The following MIR2052HG variants were observed in gnomAD, a reference collection of about 807,000 sequenced individuals.
MIR2052HG encodes the protein MIR2052 host gene.
At chr8:74,697,318 G>A (rs543555457) in intron 2 of MIR2052HG, among the ~76,000 whole-genome samples, 1 of 152,074 alleles carries the variant, frequency 6.6e-6, no homozygotes, top group Non-Finnish European at 1.5e-5. Flanking sequence ...GGCCTAGAAG[G>A]GACATATCTT....
intron 2 of MIR2052HG, among the ~76,000 whole-genome samples, chr8:74,639,723 G>A (rs1419012513): frequency 6.6e-6 from 1 of 151,932 alleles, no homozygotes; most frequent in Non-Finnish European, 1.5e-5. Context: ...TTTCAATTAT[G>A]TTCCTATTGG....
At chr8:74,643,692 A>T (rs372024619) in intron 2 of MIR2052HG, among the ~76,000 whole-genome samples, 6 of 152,132 alleles carry the variant, frequency 3.9e-5, no homozygotes, top group Admixed American at 2.0e-4. Context: ...TATTAGAAGC[A>T]TTTTTTTTAA....
At chr8:74,700,795 T>A (rs915515485) in intron 2 of MIR2052HG, among the ~76,000 whole-genome samples, 2 of 152,126 alleles carry the variant, frequency 1.3e-5, no homozygotes, top group South Asian at 4.1e-4. Context: ...AACCCATGAC[T>A]GTATCCTCTC....
intron 2 of MIR2052HG, among the ~76,000 whole-genome samples, chr8:74,653,523 G>A (rs1443620178): frequency 1.3e-5 from 2 of 152,094 alleles, no homozygotes; most frequent in Non-Finnish European, 2.9e-5. Flanking sequence ...TAAATGACAT[G>A]CCCTGCAATG....
chr8:74,729,215 T>C (rs1436792525), intron 4 of MIR2052HG, among the ~76,000 whole-genome samples: 1 of 152,106 alleles, frequency 6.6e-6, no homozygotes, highest in Non-Finnish European at 1.5e-5. Flanking sequence ...TCTGATTTGA[T>C]TGCTAGAGAG....
chr8:74,603,564 G>C, intron 1 of MIR2052HG: 1 of 1,542,852 alleles, frequency 6.5e-7, no homozygotes, highest in Non-Finnish European at 9.0e-7. Context: ...TGAATCCAGT[G>C]TTGCCATGCG....
At chr8:74,684,428 T>A (rs1309142728) in intron 2 of MIR2052HG, among the ~76,000 whole-genome samples, 4 of 151,962 alleles carry the variant, frequency 2.6e-5, no homozygotes, top group Admixed American at 2.6e-4. Context: ...ATATAGCAAA[T>A]GTCAACATTT....
Position 74,745,240 on chromosome 8 carries a change from G to A in MIR2052HG, n.372-7201G>A, listed in dbSNP as rs116303564. ...ATTGTTCCACTGCACTCCAGTCTGG[G>A]TGGCAGAGCTAGACCTCATCTCAAA... On this transcript the variant is annotated intron_variant and non_coding_transcript_variant, in intron 4 of 6. Transcript: ENST00000523442. Among the ~76,000 whole-genome samples the A allele has an allele frequency of 8.6e-3, 1,303 of 152,254 alleles. 17 individuals carry two copies. Among genetic ancestry groups the A allele is most frequent in the African/African-American group, 0.029 (1,220 of 41,556 alleles).
At chr8:74,720,096 G>A (rs543170478) in intron 4 of MIR2052HG, among the ~76,000 whole-genome samples, 5 of 152,120 alleles carry the variant, frequency 3.3e-5, no homozygotes, top group East Asian at 3.9e-4. Flanking sequence ...ATGATCCCCC[G>A]CCTCGGCCTC....
intron 1 of MIR2052HG, chr8:74,603,475 C>T (rs1808056523): frequency 1.9e-6 from 3 of 1,599,810 alleles, no homozygotes; most frequent in Middle Eastern, 1.7e-4. Flanking sequence ...GCCTTGACGC[C>T]CGATTATGCA....
chr8:74,731,233 AAGTT>A (rs1476660449), intron 4 of MIR2052HG, among the ~76,000 whole-genome samples: 4 of 152,198 alleles, frequency 2.6e-5, no homozygotes, highest in African/African-American at 7.2e-5. Context: ...CTGCCTCTGA[AAGTT>A]AGCAACAGGG....
rs368653617 is a variant in MIR2052HG, at chr8:74,735,557, G to C, written n.372-16884G>C. Among the ~76,000 whole-genome samples the C allele has an allele frequency of 2.6e-5, 4 of 152,284 alleles. No individual in the cohort carries two copies. The East Asian group carries it at 5.8e-4, about 22-fold the overall frequency. On this transcript the variant is annotated intron_variant and non_coding_transcript_variant, in intron 4 of 6. Transcript: ENST00000523442. ...TTGGCACCATATTCTCTCATACCCTGCTGCTCAGTTGTGCTTGTGCAACAA... is the reference window on the plus strand; with the variant it reads ...TTGGCACCATATTCTCTCATACCCTCCTGCTCAGTTGTGCTTGTGCAACAA...
chr8:74,609,427 AT>A (rs1476606583), intron 1 of MIR2052HG, among the ~76,000 whole-genome samples: 1 of 151,866 alleles, frequency 6.6e-6, no homozygotes, highest in Non-Finnish European at 1.5e-5. Context: ...AAGAGAAAAT[AT>A]TTTTCAACCA....
At chr8:74,757,526 T>G (rs1810017013) in intron 5 of MIR2052HG, 1 of 152,242 alleles carries the variant, frequency 6.6e-6, no homozygotes, top group African/African-American at 2.4e-5. Context: ...AATTATTTCA[T>G]TTAATCCTCA....
chr8:74,720,848 A>G (rs1227108667), intron 4 of MIR2052HG, among the ~76,000 whole-genome samples: 8 of 152,048 alleles, frequency 5.3e-5, no homozygotes, highest in Middle Eastern at 3.4e-3. Context: ...TGGTGGTAGG[A>G]GAGAGAGAGA....
At chr8:74,697,814 T>G (rs1209527180) in intron 2 of MIR2052HG, among the ~76,000 whole-genome samples, 3 of 152,126 alleles carry the variant, frequency 2.0e-5, no homozygotes, top group Non-Finnish European at 4.4e-5. Context: ...GAAAGACCTC[T>G]ACAAGGAAAG....
At chr8:74,606,755 A>G (rs1441212301) in intron 1 of MIR2052HG, among the ~76,000 whole-genome samples, 1 of 152,174 alleles carries the variant, frequency 6.6e-6, no homozygotes, top group Non-Finnish European at 1.5e-5. Context: ...CCTGGGTGAC[A>G]ATCTGTGCAA....
At chr8:74,727,347 A>T (rs1809647079) in intron 4 of MIR2052HG, among the ~76,000 whole-genome samples, 1 of 152,234 alleles carries the variant, frequency 6.6e-6, no homozygotes, top group Admixed American at 6.5e-5. Context: ...ATTTACATGG[A>T]TCCCTTATTA....
Position 74,613,964 on chromosome 8 carries a change from A to G in MIR2052HG, n.216+1024A>G, listed in dbSNP as rs1341852454. Among the ~76,000 whole-genome samples, 3 of 152,214 alleles carry G rather than the reference A, an allele frequency of 2.0e-5. No homozygotes were observed. The East Asian group carries it at 5.8e-4, about 29-fold the overall frequency. The stretch of plus-strand genomic sequence containing the variant: ...TAATTGATGGAGACAGTAGTTTTAT[A>G]TATTTAGTTTTCTGAATCTTTATCA... On this transcript the variant is annotated intron_variant and non_coding_transcript_variant, in intron 2 of 6. Coordinates refer to ENST00000523442, the Ensembl canonical transcript of MIR2052HG.
Sources: allele counts gnomAD v4.1 joint callset (sites outside exome capture counted in the v4.1 genomes callset), GRCh38; gene constraint gnomAD v4.1.1; transcripts MANE v1.5; gene names NCBI Gene and HGNC (gene_info 2026-07-23, HGNC 2026-07-21).